The following ASIC2 variants were observed in gnomAD, a reference collection of about 807,000 sequenced individuals.
The protein encoded by ASIC2 is acid-sensing ion channel 2.
In ASIC2, 25 loss-of-function variants were observed where a neutral mutation model predicts 57.3. The observed-to-expected ratio is 0.44, with a 90% CI of 0.32 to 0.61. The LOEUF (loss-of-function observed/expected upper bound fraction) is 0.61, where lower values mean the gene tolerates loss of function less well. ASIC2 is among the 20% of genes least tolerant of loss of function. ASIC2 has a pLI of 0.06. For missense variants in ASIC2, 641 were observed against 738.1 expected (o/e 0.87, Z 1.52); for synonymous variants, 319 against 307.5 (o/e 1.04, Z -0.39).
intron 1 of ASIC2, among the ~76,000 whole-genome samples, chr17:33,732,587 C>CT (rs145275740): frequency 0.041 from 6,252 of 151,552 alleles, 410 homozygotes; most frequent in African/African-American, 0.14. Context: ...CAAGCTCCGC[C>CT]CCCGGATTCA....
intron 3 of ASIC2, among the ~76,000 whole-genome samples, chr17:33,078,026 G>A (rs528797834): frequency 2.6e-5 from 4 of 151,962 alleles, no homozygotes; most frequent in South Asian, 2.1e-4. Context: ...ACCATTTGGA[G>A]TTCAGACAGT....
chr17:33,174,655 A>G (rs1905670102), intron 1 of ASIC2, among the ~76,000 whole-genome samples: 2 of 152,046 alleles, frequency 1.3e-5, no homozygotes, highest in African/African-American at 4.8e-5. Flanking sequence ...CTGCAGTGTG[A>G]CTTCTGGCCA....
chr17:34,142,689 T>C (rs1912304339), intron 1 of ASIC2, among the ~76,000 whole-genome samples: 2 of 152,206 alleles, frequency 1.3e-5, no homozygotes, highest in South Asian at 4.1e-4. Flanking sequence ...CAAAATCAAG[T>C]CACTGATTCA....
In ASIC2 at chr17:33,069,774, C is replaced by T. The variant is rs572772822; in HGVS notation, c.987+19089G>A. ...CTGGGTAACCAGCATATAGTTGAAA[C>T]TTTCTTTTTTTAATCCAGTTTGGCA... On this transcript the variant is annotated intron_variant, in intron 3 of 9. Coordinates refer to ENST00000225823, the MANE Select transcript of ASIC2 (RefSeq NM_183377.2). Among the ~76,000 whole-genome samples the T allele has an allele frequency of 3.3e-5, 5 of 152,066 alleles. No individual in the cohort carries two copies. The East Asian group carries it at 9.6e-4, about 29-fold the overall frequency.
intron 1 of ASIC2, among the ~76,000 whole-genome samples, chr17:33,425,710 T>A (rs1911195745): frequency 6.6e-6 from 1 of 152,128 alleles, no homozygotes; most frequent in African/African-American, 2.4e-5. Flanking sequence ...TGGAAGGGGA[T>A]AGACCAGTAG....
chr17:33,115,944 C>T (rs185185888), intron 1 of ASIC2, among the ~76,000 whole-genome samples: 3 of 152,210 alleles, frequency 2.0e-5, no homozygotes, highest in South Asian at 2.1e-4. Context: ...GGCCTCACTT[C>T]GTTCTGGCTG....
At chr17:33,758,082 T>C (rs1910667258) in intron 1 of ASIC2, among the ~76,000 whole-genome samples, 1 of 152,234 alleles carries the variant, frequency 6.6e-6, no homozygotes, top group African/African-American at 2.4e-5. Flanking sequence ...AACTCATGAC[T>C]TGCTGCAGTA....
intron 1 of ASIC2, among the ~76,000 whole-genome samples, chr17:34,012,108 G>A (rs1419732195): frequency 6.6e-6 from 1 of 152,130 alleles, no homozygotes; most frequent in African/African-American, 2.4e-5. Context: ...CCAAGCCAGG[G>A]GGAGTCTAGA....
At chr17:34,116,042 A>G (rs1911415528) in intron 1 of ASIC2, among the ~76,000 whole-genome samples, 1 of 152,196 alleles carries the variant, frequency 6.6e-6, no homozygotes, top group East Asian at 1.9e-4. Flanking sequence ...GCATGAGATT[A>G]ACACCCAAAC....
intron 1 of ASIC2, among the ~76,000 whole-genome samples, chr17:34,133,244 G>A (rs1912043143): frequency 6.6e-6 from 1 of 152,082 alleles, no homozygotes; most frequent in African/African-American, 2.4e-5. Context: ...TTGCCTTCAA[G>A]CGTCTTTCTT....
At chr17:33,176,289 A>C (rs1300304158) in intron 1 of ASIC2, among the ~76,000 whole-genome samples, 1 of 152,182 alleles carries the variant, frequency 6.6e-6, no homozygotes, top group Non-Finnish European at 1.5e-5. Flanking sequence ...CCAGGAGTGT[A>C]TGTCATTTCC....
In ASIC2 at chr17:33,653,853, T is replaced by C. The variant is rs531908501; in HGVS notation, c.555+502125A>G. ...TATTATTACTTAAAAATGTGATAAC[T>C]AAGGGATATATATTTCCTGATATAT... On this transcript the variant is annotated intron_variant, in intron 1 of 9. Transcript: ENST00000359872. Among the ~76,000 whole-genome samples the C allele has an allele frequency of 4.1e-4, 62 of 152,334 alleles. 1 individual carries two copies. The South Asian group carries it at 0.013, about 31-fold the overall frequency.
At chr17:33,219,323 C>T (rs1907610351) in intron 1 of ASIC2, among the ~76,000 whole-genome samples, 1 of 152,226 alleles carries the variant, frequency 6.6e-6, no homozygotes, top group Non-Finnish European at 1.5e-5. Context: ...ACACACATTA[C>T]TTCATATCTT....
At chr17:33,574,197 A>G (rs991279356) in intron 1 of ASIC2, among the ~76,000 whole-genome samples, 2 of 152,204 alleles carry the variant, frequency 1.3e-5, no homozygotes, top group Non-Finnish European at 2.9e-5. Flanking sequence ...TCTACCATCA[A>G]TTAGTACTTG....
chr17:33,267,545 G>C (rs1371667551), intron 1 of ASIC2, among the ~76,000 whole-genome samples: 1 of 152,234 alleles, frequency 6.6e-6, no homozygotes, highest in Non-Finnish European at 1.5e-5. Flanking sequence ...TAGGACAGAA[G>C]CTAAGTTTGA....
At chr17:33,142,547 A>T (rs1359921568) in intron 1 of ASIC2, among the ~76,000 whole-genome samples, 1 of 152,226 alleles carries the variant, frequency 6.6e-6, no homozygotes, top group East Asian at 1.9e-4. Context: ...AGCAATGCAG[A>T]GCAGGTTCTC....
chr17:33,250,735 C>T (rs535348488), intron 1 of ASIC2, among the ~76,000 whole-genome samples: 5 of 152,266 alleles, frequency 3.3e-5, no homozygotes, highest in Admixed American at 1.3e-4. Flanking sequence ...GGTTACAGTG[C>T]GGAGGGGAGT....
Position 33,962,697 on chromosome 17 carries a change from G to A in ASIC2, c.555+193281C>T, listed in dbSNP as rs552529678. 1.1e-4 allele frequency among the ~76,000 whole-genome samples: 16 copies of A among 152,228 alleles called. No homozygotes were observed. The South Asian group carries it at 2.9e-3, about 28-fold the overall frequency. ...TCTTTAAGTATGTGAGAGATTCACC[G>A]GGCCACTGCCTGCACTGTCTAGTTT... is the stretch of plus-strand genomic sequence containing the variant. On this transcript the variant is annotated intron_variant, in intron 1 of 9. Transcript: ENST00000359872.
At chr17:33,865,282 T>C (rs944393516) in intron 1 of ASIC2, among the ~76,000 whole-genome samples, 3 of 152,204 alleles carry the variant, frequency 2.0e-5, no homozygotes, top group Non-Finnish European at 2.9e-5. Flanking sequence ...CCACATTTTG[T>C]TCCATTTCCA....
Sources: gnomAD v4.1 joint callset for allele counts (sites outside exome capture counted in the v4.1 genomes callset) on GRCh38, gnomAD v4.1.1 for gene constraint, MANE v1.5 for transcripts, NCBI Gene and HGNC (gene_info 2026-07-23, HGNC 2026-07-21) for gene names.